Variants in SUGCT observed in about 807,000 individuals in gnomAD.
SUGCT encodes succinyl-CoA:glutarate CoA-transferase.
In SUGCT, 41 loss-of-function variants were observed where a neutral mutation model predicts 55.0. That is an observed-to-expected ratio of 0.74 (90% CI 0.58 to 0.97). SUGCT has a LOEUF of 0.97. SUGCT is among the 50% of genes least tolerant of loss of function. SUGCT has a pLI of 0.00. For missense variants in SUGCT, 568 were observed against 547.8 expected, an observed-to-expected ratio of 1.04 and a Z score of -0.37; for synonymous variants, 187 against 200.4, an observed-to-expected ratio of 0.93 and a Z score of 0.56.
chr7:40,814,054 G>A (rs1791549833), intron 13 of SUGCT, among the ~76,000 whole-genome samples: 2 of 152,130 alleles, frequency 1.3e-5, no homozygotes, highest in Admixed American at 1.3e-4. Flanking sequence ...AATCTCTCCT[G>A]GCTTATAAGG....
chr7:40,448,877 TATACATAC>T (rs753343945), intron 9 of SUGCT, among the ~76,000 whole-genome samples: 1 of 151,810 alleles, frequency 6.6e-6, no homozygotes, highest in East Asian at 1.9e-4. Flanking sequence ...CACACTCATA[TATACATAC>T]ATACATACAT....
In SUGCT at chr7:40,326,858, C is replaced by T. The variant is rs184369809; in HGVS notation, c.816+10003C>T. Among the ~76,000 whole-genome samples the T allele has an allele frequency of 2.6e-5, 4 of 152,236 alleles. No individual in the cohort carries two copies. In the East Asian group the frequency reaches 7.7e-4, roughly 29 times the overall value. ...ACCTTTATAAAAAATATATACTCAC[C>T]TTTGTAAGAGCAAAAAATTGTGGAG... On this transcript the variant is annotated intron_variant, in intron 9 of 13. Coordinates refer to ENST00000335693, the MANE Select transcript of SUGCT (RefSeq NM_001193313.2).
chr7:40,505,196 G>T (rs1471315766), intron 12 of SUGCT, among the ~76,000 whole-genome samples: 1 of 151,944 alleles, frequency 6.6e-6, no homozygotes, highest in Non-Finnish European at 1.5e-5. Context: ...TTTCATGGTG[G>T]TTGATTATAT....
chr7:40,648,004 C>T (rs994781123), intron 12 of SUGCT, among the ~76,000 whole-genome samples: 1 of 152,162 alleles, frequency 6.6e-6, no homozygotes, highest in Admixed American at 6.5e-5. Flanking sequence ...AGCGCAGATG[C>T]ATATTCACAA....
intron 12 of SUGCT, among the ~76,000 whole-genome samples, chr7:40,695,826 A>T (rs1415856033): frequency 6.6e-6 from 1 of 152,026 alleles, no homozygotes; most frequent in African/African-American, 2.4e-5. Flanking sequence ...GAACCCCTTC[A>T]CTCTAGTTTG....
intron 12 of SUGCT, among the ~76,000 whole-genome samples, chr7:40,529,326 C>A (rs970014162): frequency 2.0e-5 from 3 of 152,216 alleles, no homozygotes; most frequent in Non-Finnish European, 4.4e-5. Context: ...AGGAGTCTTG[C>A]ACACTGCAGA....
In SUGCT at chr7:40,732,712, A is replaced by G. The variant is rs746038563; in HGVS notation, c.1090-16722A>G. Among the ~76,000 whole-genome samples, 7 of 152,322 alleles carry G rather than the reference A, an allele frequency of 4.6e-5. No individual in the cohort carries two copies. The South Asian group carries it at 1.4e-3, about 32-fold the overall frequency. ...CTTAAGCAGGGCAGAGGCAGGAACC[A>G]CTTTTCTGGTTGGGTGTTGAGATGT... On this transcript the variant is annotated intron_variant, in intron 12 of 13. Transcript: ENST00000335693.
At chr7:40,350,340 G>C (rs1797555709) in intron 9 of SUGCT, among the ~76,000 whole-genome samples, 1 of 148,868 alleles carries the variant, frequency 6.7e-6, no homozygotes, top group Non-Finnish European at 1.5e-5. Flanking sequence ...TTTTAAGAGA[G>C]TCTCACTCTG....
chr7:40,835,038 A>G (rs1792889581), intron 13 of SUGCT, among the ~76,000 whole-genome samples: 2 of 152,166 alleles, frequency 1.3e-5, no homozygotes, highest in Non-Finnish European at 2.9e-5. Context: ...CTTTATTGAG[A>G]TGATAGAAAT....
At chr7:40,914,932 C>G in the SUGCT span, among the ~76,000 whole-genome samples, 1 of 152,082 alleles carries the variant, frequency 6.6e-6, no homozygotes, top group African/African-American at 2.4e-5. Context: ...CTGCATGAAC[C>G]CTGTAAAATA....
intron 9 of SUGCT, among the ~76,000 whole-genome samples, chr7:40,356,342 T>C (rs376361047): frequency 5.7e-4 from 87 of 152,308 alleles, no homozygotes; most frequent in Non-Finnish European, 1.0e-3. Context: ...AAAAGCCAAT[T>C]TCCAAAGCTA....
At chr7:40,402,137 C>CT (rs143860559) in intron 9 of SUGCT, among the ~76,000 whole-genome samples, 278 of 147,528 alleles carry the variant, frequency 1.9e-3, no homozygotes, top group African/African-American at 6.1e-3. Context: ...ATTTTTATCC[C>CT]TTTTTTTTTT....
At chr7:40,267,913 A>G (rs1236264073) in intron 7 of SUGCT, among the ~76,000 whole-genome samples, 3 of 152,176 alleles carry the variant, frequency 2.0e-5, no homozygotes, top group Non-Finnish European at 4.4e-5. Context: ...CCCCTTCTTT[A>G]GTTATTGTTA....
rs751174300 is a variant in SUGCT at position 40,141,792 on chromosome 7, C to T, written c.100+6672C>T. On this transcript the variant is annotated intron_variant, in intron 1 of 13. Transcript: ENST00000335693. ...GTTTGGTGCCACAAAAGAAATAGCA[C>T]TGGAATATAAAATTTTCTTTTTAAT... The T allele has an allele frequency of 1.1e-4, 42 of 378,890 alleles. No homozygotes were observed. The East Asian group carries it at 3.3e-3, about 30-fold the overall frequency. The allele number at this position is 378,890 out of a possible 1,614,324, so 23.5% of individuals were successfully genotyped here.
intron 11 of SUGCT, among the ~76,000 whole-genome samples, chr7:40,470,963 T>G (rs924249199): frequency 1.3e-5 from 2 of 152,192 alleles, no homozygotes; most frequent in African/African-American, 4.8e-5. Context: ...CTGAGTTTAT[T>G]TAAGTCTCAG....
the SUGCT span, among the ~76,000 whole-genome samples, chr7:40,935,396 C>T: frequency 6.6e-6 from 1 of 152,152 alleles, no homozygotes; most frequent in Non-Finnish European, 1.5e-5. Flanking sequence ...TTAGTTGTTA[C>T]TTTGTCACTC....
the SUGCT span, among the ~76,000 whole-genome samples, chr7:40,930,053 G>A: frequency 1.3e-5 from 2 of 152,104 alleles, no homozygotes; most frequent in Non-Finnish European, 2.9e-5. Context: ...TATGGTTTTA[G>A]GTCTAACATT....
intron 9 of SUGCT, among the ~76,000 whole-genome samples, chr7:40,319,565 A>C (rs186744202): frequency 2.2e-4 from 33 of 152,294 alleles, no homozygotes; most frequent in Non-Finnish European, 3.5e-4. Flanking sequence ...GTTGAACCCT[A>C]TCTGAAAGAT....
At chr7:41,016,906 T>C in the SUGCT span, among the ~76,000 whole-genome samples, 1 of 152,230 alleles carries the variant, frequency 6.6e-6, no homozygotes, top group Non-Finnish European at 1.5e-5. Context: ...TCAGGTTCTT[T>C]CCTTGATTCA....
Sources: gnomAD v4.1 joint callset for allele counts (sites outside exome capture counted in the v4.1 genomes callset) on GRCh38, gnomAD v4.1.1 for gene constraint, MANE v1.5 for transcripts, NCBI Gene and HGNC (gene_info 2026-07-23, HGNC 2026-07-21) for gene names.